The following FRMD3 variants were observed in gnomAD, a reference collection of about 807,000 sequenced individuals.
FRMD3 encodes the protein FERM domain-containing protein 3.
A neutral mutation model predicts 70.2 loss-of-function variants in FRMD3; 33 were observed. The ratio of observed to expected loss-of-function variants is 0.47; its 90% CI spans 0.36 to 0.63. FRMD3 has a LOEUF of 0.63. Ranked by LOEUF, FRMD3 falls within the 20% of genes least tolerant of loss-of-function variation. The probability of loss-of-function intolerance (pLI) is 0.00; values close to 1 mark genes in which losing one functional copy is unlikely to be tolerated. For missense variants in FRMD3, 632 were observed against 711.4 expected, an observed-to-expected ratio of 0.89 and a Z score of 1.27; for synonymous variants, 279 against 255.9, an observed-to-expected ratio of 1.09 and a Z score of -0.86.
chr9:83,476,844 C>G (rs536575897), intron 1 of FRMD3, among the ~76,000 whole-genome samples: 1 of 152,228 alleles, frequency 6.6e-6, no homozygotes, highest in African/African-American at 2.4e-5. Context: ...GCAGCCTACA[C>G]TTTTCCTTTG....
chr9:83,507,736 A>ATATATATATATATC lies in FRMD3; in HGVS notation c.147+30348_147+30349insGATATATATATATA, dbSNP rs1554713917. Among the ~76,000 whole-genome samples the ATATATATATATATC allele has an allele frequency of 9.0e-5, 8 of 88,698 alleles. 1 individual carries two copies. The highest frequency in any genetic ancestry group is 4.2e-4 in the South Asian group (1 of 2,360). The allele number at this position is 88,698 out of a possible 152,430, so 58.2% of individuals were successfully genotyped here. A position where few individuals can be genotyped will look rare whatever the true frequency, so the allele number is the denominator to read the frequency against. Reference sequence around the variant, plus strand: ...TATATATATATATATATATATATATATATCTTCTGGAATATTTCCTGAAGG... The same window carrying ATATATATATATATC: ...TATATATATATATATATATATATATATATATATATATATCTATCTTCTGGAATATTTCCTGAAGG... On this transcript the variant is annotated intron_variant, in intron 1 of 13. Coordinates refer to ENST00000304195, the MANE Select transcript of FRMD3 (RefSeq NM_174938.6).
At chr9:83,559,173 T>C in the FRMD3 span, among the ~76,000 whole-genome samples, 2 of 152,202 alleles carry the variant, frequency 1.3e-5, no homozygotes, top group African/African-American at 2.4e-5. Flanking sequence ...CAGCATCAAG[T>C]ACTACAGAGA....
chr9:83,295,765 C>T (rs539527668), intron 12 of FRMD3, among the ~76,000 whole-genome samples: 285 of 152,312 alleles, frequency 1.9e-3, no homozygotes, highest in African/African-American at 6.5e-3. Context: ...ACACAACCAG[C>T]CCTCGGCTCA....
intron 1 of FRMD3, among the ~76,000 whole-genome samples, chr9:83,403,951 T>C (rs1826025659): frequency 6.6e-6 from 1 of 152,090 alleles, no homozygotes. Flanking sequence ...CTCATTTCAA[T>C]AGTGTCATAC....
intron 1 of FRMD3, among the ~76,000 whole-genome samples, chr9:83,491,262 T>C (rs558959998): frequency 6.6e-6 from 1 of 152,290 alleles, no homozygotes; most frequent in African/African-American, 2.4e-5. Flanking sequence ...TGTTCCACTA[T>C]GGGTGTGTAA....
At chr9:83,357,193 G>GTA (rs1445575671) in intron 3 of FRMD3, among the ~76,000 whole-genome samples, 2 of 79,576 alleles carry the variant, frequency 2.5e-5, no homozygotes, top group African/African-American at 4.4e-5. Flanking sequence ...TATATATTAT[G>GTA]TATATATATA....
chr9:83,253,139 G>A (rs186120106), intron 13 of FRMD3, among the ~76,000 whole-genome samples: 210 of 152,214 alleles, frequency 1.4e-3, no homozygotes, highest in Non-Finnish European at 2.4e-3. Context: ...CACTCTCCAA[G>A]AAATGCAAAA....
chr9:83,298,676 AG>A (rs1399167006), intron 12 of FRMD3, 71 bp downstream of exon 12: 5 of 1,118,492 alleles, frequency 4.5e-6, no homozygotes, highest in Non-Finnish European at 6.8e-6. Flanking sequence ...CACTACACAA[AG>A]GGATGTTATA....
chr9:83,517,109 A>G (rs950231268), intron 1 of FRMD3, among the ~76,000 whole-genome samples: 62 of 152,190 alleles, frequency 4.1e-4, no homozygotes, highest in African/African-American at 1.3e-3. Flanking sequence ...AAGACAAGAC[A>G]TAACTAAAAT....
downstream of FRMD3, chr9:83,243,293 C>T: frequency 7.1e-7 from 1 of 1,405,540 alleles, no homozygotes; most frequent in Non-Finnish European, 9.8e-7. Context: ...TAAGCAGCGA[C>T]CTTCAGCACA....
intron 2 of FRMD3, among the ~76,000 whole-genome samples, chr9:83,384,452 C>CTAGAGG (rs1370005831): frequency 6.6e-5 from 10 of 152,164 alleles, no homozygotes; most frequent in African/African-American, 2.2e-4. Context: ...TTATTCCATT[C>CTAGAGG]CACGTCCTCC....
chr9:83,456,885 T>C (rs532647649), intron 1 of FRMD3, among the ~76,000 whole-genome samples: 56 of 152,064 alleles, frequency 3.7e-4, no homozygotes, highest in African/African-American at 1.4e-3. Context: ...GAGGCTGAGG[T>C]GGGAGGATTG....
chr9:83,320,274 G>A (rs1337613771), intron 6 of FRMD3, among the ~76,000 whole-genome samples: 1 of 152,170 alleles, frequency 6.6e-6, no homozygotes, highest in Non-Finnish European at 1.5e-5. Context: ...TGTTAAATAT[G>A]ATGTTGGCTG....
At chr9:83,413,456 T>C (rs1826336105) in intron 1 of FRMD3, among the ~76,000 whole-genome samples, 1 of 152,194 alleles carries the variant, frequency 6.6e-6, no homozygotes, top group Non-Finnish European at 1.5e-5. Flanking sequence ...CCCGGGCCCC[T>C]GAATGTCACA....
chr9:83,346,028 G>T (rs1823947629), intron 4 of FRMD3, among the ~76,000 whole-genome samples: 1 of 152,162 alleles, frequency 6.6e-6, no homozygotes. Flanking sequence ...GGCCGAGGCA[G>T]GCGGATAGCC....
intron 2 of FRMD3, among the ~76,000 whole-genome samples, chr9:83,381,499 T>G (rs1453882567): frequency 6.6e-6 from 1 of 151,278 alleles, no homozygotes; most frequent in African/African-American, 2.4e-5. Flanking sequence ...GAGGTTGCAG[T>G]GAGCCTAGAT....
At chr9:83,398,250 A>G (rs973079889) in intron 1 of FRMD3, among the ~76,000 whole-genome samples, 20 of 152,230 alleles carry the variant, frequency 1.3e-4, no homozygotes, top group African/African-American at 4.6e-4. Flanking sequence ...TGCTTTGTTA[A>G]CAGTAACTGG....
In FRMD3 at chr9:83,439,325, G is replaced by A. The variant is rs560909050; in HGVS notation, c.148-49617C>T. 7.2e-5 allele frequency among the ~76,000 whole-genome samples: 11 copies of A among 152,330 alleles called. No homozygotes were observed. In the East Asian group the frequency reaches 1.4e-3, roughly 19 times the overall value. On this transcript the variant is annotated intron_variant, in intron 1 of 13. Transcript: ENST00000304195. ...AACAACCCATGACCAATGGCCAAGGGAAGCTCCCTATAATGACTGAGTCTG... is the reference window on the plus strand; with the variant it reads ...AACAACCCATGACCAATGGCCAAGGAAAGCTCCCTATAATGACTGAGTCTG...
intron 2 of FRMD3, among the ~76,000 whole-genome samples, chr9:83,386,264 C>A (rs991900633): frequency 6.6e-6 from 1 of 152,174 alleles, no homozygotes; most frequent in African/African-American, 2.4e-5. Context: ...CCCTGCAACC[C>A]AAGTGAAAGC....
Sources: gnomAD v4.1 joint callset for allele counts (sites outside exome capture counted in the v4.1 genomes callset) on GRCh38, gnomAD v4.1.1 for gene constraint, MANE v1.5 for transcripts, NCBI Gene and HGNC (gene_info 2026-07-23, HGNC 2026-07-21) for gene names.